Variants in PTPRN2 observed in about 807,000 individuals in gnomAD.
PTPRN2 encodes receptor-type tyrosine-protein phosphatase N2.
A neutral mutation model predicts 118.8 loss-of-function variants in PTPRN2; 74 were observed. That is an observed-to-expected ratio of 0.62 (90% CI 0.52 to 0.76). The LOEUF (loss-of-function observed/expected upper bound fraction) is 0.76. PTPRN2 is among the 30% of genes least tolerant of loss of function. PTPRN2 has a pLI of 0.00. For missense variants in PTPRN2, 1,481 were observed against 1,394.4 expected (o/e 1.06, Z -0.99); for synonymous variants, 641 against 608.0 (o/e 1.05, Z -0.80).
chr7:157,719,312 G>A (rs1480371228), intron 12 of PTPRN2, among the ~76,000 whole-genome samples: 1 of 152,236 alleles, frequency 6.6e-6, no homozygotes, highest in East Asian at 1.9e-4. Context: ...ATTAAAGGGG[G>A]AGCGGAGATC....
At chr7:157,887,913 T>C (rs560054166) in intron 12 of PTPRN2, among the ~76,000 whole-genome samples, 20 of 147,710 alleles carry the variant, frequency 1.4e-4, no homozygotes, top group African/African-American at 4.8e-4. Context: ...CCCCCAGTAC[T>C]GCCAGAGCCC....
intron 11 of PTPRN2, among the ~76,000 whole-genome samples, chr7:158,016,046 C>T (rs1305142158): frequency 1.3e-5 from 2 of 152,256 alleles, no homozygotes; most frequent in Non-Finnish European, 2.9e-5. Context: ...GCCTGACACC[C>T]GCTGTTTTTC....
intron 12 of PTPRN2, among the ~76,000 whole-genome samples, chr7:157,859,886 CTG>C (rs1810085778): frequency 2.2e-5 from 3 of 136,478 alleles, no homozygotes; most frequent in African/African-American, 5.6e-5. Flanking sequence ...GCCCCAGCCA[CTG>C]TACACACTCC....
At chr7:158,098,659 C>T (rs1484487491) in intron 10 of PTPRN2, among the ~76,000 whole-genome samples, 1 of 152,194 alleles carries the variant, frequency 6.6e-6, no homozygotes. Context: ...CCAGTCCCAC[C>T]ATTTTGCTGA....
intron 9 of PTPRN2, among the ~76,000 whole-genome samples, chr7:158,130,389 A>G (rs1462670164): frequency 6.6e-6 from 1 of 152,028 alleles, no homozygotes; most frequent in Non-Finnish European, 1.5e-5. Flanking sequence ...ACATATGCAC[A>G]CACTTCTACC....
rs146173429 is a variant in PTPRN2 at position 157,877,368 on chromosome 7, A to G, written c.1788+21305T>C. Among the ~76,000 whole-genome samples the G allele has an allele frequency of 5.0e-3, 709 of 142,806 alleles. 5 individuals carry two copies. Among genetic ancestry groups the G allele is most frequent in the Middle Eastern group, 0.012 (3 of 242 alleles). 93.7% of individuals were successfully genotyped at this position (142,806 alleles called of 152,430 possible). ...GGACCCCGGGTCCGAGTGCCACACT[A>G]GAGTTTTCTCGGGGACCCGAGATCT... On this transcript the variant is annotated intron_variant, in intron 12 of 22. Coordinates refer to ENST00000389418, the MANE Select transcript of PTPRN2 (RefSeq NM_002847.5).
chr7:157,827,496 T>A (rs1435307418), intron 12 of PTPRN2, among the ~76,000 whole-genome samples: 1 of 152,150 alleles, frequency 6.6e-6, no homozygotes, highest in Non-Finnish European at 1.5e-5. Context: ...GTTCGGGCTG[T>A]GTGGGTGGTG....
chr7:157,554,957 ACCCCAGTGTGGCGGGCG>A (rs1309692114), intron 21 of PTPRN2, among the ~76,000 whole-genome samples: 1 of 150,796 alleles, frequency 6.6e-6, no homozygotes, highest in African/African-American at 2.5e-5. Flanking sequence ...CTTGCTCAGC[ACCCCAGTGTGGCGGGCG>A]CCCCAGTGTG....
At chr7:157,704,159 T>C (rs1237409311) in intron 12 of PTPRN2, among the ~76,000 whole-genome samples, 2 of 152,208 alleles carry the variant, frequency 1.3e-5, no homozygotes, top group Non-Finnish European at 2.9e-5. Flanking sequence ...TGCCACTAAC[T>C]GTGTGACTGA....
intron 15 of PTPRN2, among the ~76,000 whole-genome samples, chr7:157,604,349 C>T (rs1585095492): frequency 6.6e-6 from 1 of 152,234 alleles, no homozygotes; most frequent in East Asian, 1.9e-4. Flanking sequence ...CTGCTCCCAT[C>T]CTCCCCTCCG....
chr7:157,562,820 G>A (rs1268757423), intron 21 of PTPRN2, among the ~76,000 whole-genome samples: 2 of 140,580 alleles, frequency 1.4e-5, no homozygotes, highest in Admixed American at 7.3e-5. Context: ...TCAGGACCAC[G>A]TGCTCCACGT....
At chr7:157,601,612 C>G (rs1017126305) in intron 16 of PTPRN2, among the ~76,000 whole-genome samples, 1 of 152,262 alleles carries the variant, frequency 6.6e-6, no homozygotes, top group Admixed American at 6.5e-5. Flanking sequence ...CACACACCCC[C>G]TCTGGTTCCC....
chr7:158,492,085 G>A (rs1821495446), intron 1 of PTPRN2, among the ~76,000 whole-genome samples: 1 of 152,200 alleles, frequency 6.6e-6, no homozygotes, highest in African/African-American at 2.4e-5. Context: ...CCTCCCAGAG[G>A]GAGAGCCTCA....
intron 12 of PTPRN2, among the ~76,000 whole-genome samples, chr7:157,824,562 G>A (rs1807051482): frequency 6.6e-6 from 1 of 152,182 alleles, no homozygotes; most frequent in African/African-American, 2.4e-5. Flanking sequence ...GAAGAACTCG[G>A]TAGGAACTCT....
At position 158,521,543 on chromosome 7, in the gene PTPRN2, TCGGAATGGTGGACTGTC is replaced by T. The variant is rs1157107214; in HGVS notation, c.113-31775_113-31759del. 1.1e-4 allele frequency among the ~76,000 whole-genome samples: 16 copies of T among 152,098 alleles called. 5 individuals carry two copies. The highest frequency in any genetic ancestry group is 3.9e-4 in the African/African-American group (16 of 41,422). On this transcript the variant is annotated intron_variant, in intron 1 of 22. Transcript: ENST00000389418. ...TGCTGGCTCAGGAGGAAGGTCCGCATCGGAATGGTGGACTGTCCAGGTACTGGCTCAGGGGGGAGGTC... is the reference window on the plus strand; with the variant it reads ...TGCTGGCTCAGGAGGAAGGTCCGCATCAGGTACTGGCTCAGGGGGGAGGTC...
chr7:157,924,200 G>A (rs1460114821), intron 11 of PTPRN2, among the ~76,000 whole-genome samples: 2 of 152,224 alleles, frequency 1.3e-5, no homozygotes, highest in African/African-American at 2.4e-5. Flanking sequence ...GGCAGGTAGA[G>A]GGGTGGCAGA....
intron 3 of PTPRN2, among the ~76,000 whole-genome samples, chr7:158,303,563 C>A (rs546903756): frequency 1.3e-5 from 2 of 152,216 alleles, no homozygotes; most frequent in African/African-American, 4.8e-5. Context: ...AATGTGTAAA[C>A]CTTAAAACAG....
At chr7:158,154,963 C>T (rs375333228) in intron 6 of PTPRN2, among the ~76,000 whole-genome samples, 1 of 152,100 alleles carries the variant, frequency 6.6e-6, no homozygotes, top group Non-Finnish European at 1.5e-5. Context: ...ATCCAGTGAG[C>T]CCTGGTGGGT....
chr7:158,533,677 G>A (rs546660107), intron 1 of PTPRN2, among the ~76,000 whole-genome samples: 51 of 152,320 alleles, frequency 3.3e-4, no homozygotes, highest in African/African-American at 9.6e-4. Flanking sequence ...CTGAGGCACC[G>A]AGCCGTCAAT....
Sources: gnomAD v4.1 joint callset for allele counts (sites outside exome capture counted in the v4.1 genomes callset) on GRCh38, gnomAD v4.1.1 for gene constraint, MANE v1.5 for transcripts, NCBI Gene and HGNC (gene_info 2026-07-23, HGNC 2026-07-21) for gene names.